BTBD8: variants seen among roughly 807,000 people sequenced by gnomAD.
BTBD8 encodes the protein BTB domain containing 8, also known as BTB/POZ domain-containing protein 8.
BTBD8 carries 110 observed loss-of-function variants against 162.9 expected under a neutral mutation model. The observed-to-expected ratio is 0.68, with a 90% CI of 0.58 to 0.79. The LOEUF (loss-of-function observed/expected upper bound fraction) is 0.79. BTBD8 is among the 30% of genes least tolerant of loss of function. BTBD8 has a pLI of 0.00. For missense variants in BTBD8, 1,905 were observed against 2,085.4 expected (o/e 0.91, Z 1.68); for synonymous variants, 667 against 716.1 (o/e 0.93, Z 1.10).
chr1:92,096,677 A>G (rs1261068125), intron 2 of BTBD8, among the ~76,000 whole-genome samples: 2 of 151,818 alleles, frequency 1.3e-5, no homozygotes, highest in African/African-American at 2.4e-5. Context: ...AGCTGGGACT[A>G]CAGGTGCATG....
At chr1:92,108,924 G>C (rs1044825239) in intron 4 of BTBD8, among the ~76,000 whole-genome samples, 1 of 152,188 alleles carries the variant, frequency 6.6e-6, no homozygotes, top group Non-Finnish European at 1.5e-5. Context: ...GAAATTAGCA[G>C]TGGGTTTAGG....
At chr1:92,088,591 C>T in intron 1 of BTBD8, 107 bp from the exon 2 acceptor site, 1 of 837,116 alleles carries the variant, frequency 1.2e-6, no homozygotes, top group East Asian at 2.9e-5. Context: ...CTTTATGTTG[C>T]CTCTGTATTT....
In BTBD8 at chr1:92,125,767, T is replaced by C. The variant is rs1291177433; in HGVS notation, c.663-3920T>C. ...CTTGATGATAATGAGAGAAGTGATA[T>C]ATTTGATGCCATATTTCCATGTCTC... On this transcript the variant is annotated intron_variant, in intron 4 of 17. Transcript: ENST00000636805. 1.2e-5 allele frequency: 5 copies of C among 430,074 alleles called. No homozygotes were observed. In the East Asian group the frequency reaches 2.3e-4, roughly 20 times the overall value. 26.6% of individuals were successfully genotyped at this position (430,074 alleles called of 1,614,324 possible).
chr1:92,159,496 A>G (rs1237098009), intron 9 of BTBD8, among the ~76,000 whole-genome samples: 3 of 151,982 alleles, frequency 2.0e-5, no homozygotes, highest in Admixed American at 2.0e-4. Flanking sequence ...TCCTTCACCA[A>G]TGAGTTTCAT....
At position 92,151,171 on chromosome 1, in the gene BTBD8, G is replaced by A. The variant is rs140014386; in HGVS notation, c.1122+3385G>A. Among the ~76,000 whole-genome samples, 266 of 152,062 alleles carry A rather than the reference G, an allele frequency of 1.7e-3. 2 individuals carry two copies. The highest frequency in any genetic ancestry group is 5.9e-3 in the African/African-American group (243 of 41,500). ...AGTTCGAGACCACCTTGGTCAACATGGTGAAACCCCGAATCTACTAAAAAT... is the reference window on the plus strand; with the variant it reads ...AGTTCGAGACCACCTTGGTCAACATAGTGAAACCCCGAATCTACTAAAAAT... On this transcript the variant is annotated intron_variant, in intron 9 of 17. Coordinates refer to ENST00000636805, the MANE Select transcript of BTBD8 (RefSeq NM_001376131.1).
chr1:92,115,077 A>T (rs552576199), intron 4 of BTBD8: 2 of 414,050 alleles, frequency 4.8e-6, no homozygotes, highest in East Asian at 6.4e-5. Context: ...GGTCAGGTTC[A>T]TGACTAACAT....
intron 4 of BTBD8, chr1:92,125,722 A>G: frequency 4.6e-6 from 2 of 436,774 alleles, no homozygotes; most frequent in Non-Finnish European, 9.0e-6. Flanking sequence ...GCCATTGAAA[A>G]GAATGTGCTG....
intron 9 of BTBD8, among the ~76,000 whole-genome samples, chr1:92,165,211 T>A (rs1379290458): frequency 6.6e-6 from 1 of 152,156 alleles, no homozygotes; most frequent in East Asian, 1.9e-4. Flanking sequence ...GATTGACTGA[T>A]AGACTCTGTC....
intron 17 of BTBD8, 107 bp from the exon 18 acceptor site, chr1:92,183,757 T>G (rs984093483): frequency 6.8e-6 from 3 of 439,000 alleles, no homozygotes; most frequent in Non-Finnish European, 1.1e-5. Context: ...CATTCTGTGT[T>G]TTTTTTTTTT....
chr1:92,092,774 C>T (rs1648347967), intron 2 of BTBD8, among the ~76,000 whole-genome samples: 1 of 152,076 alleles, frequency 6.6e-6, no homozygotes, highest in Non-Finnish European at 1.5e-5. Context: ...CCTTATGTAT[C>T]TTTTATATGT....
At chr1:92,159,778 T>C (rs1650242280) in intron 9 of BTBD8, among the ~76,000 whole-genome samples, 1 of 152,222 alleles carries the variant, frequency 6.6e-6, no homozygotes, top group Admixed American at 6.5e-5. Context: ...TTTAGTCTTA[T>C]AAACATTCTC....
At chr1:92,154,979 T>C (rs1650126618) in intron 9 of BTBD8, among the ~76,000 whole-genome samples, 1 of 152,206 alleles carries the variant, frequency 6.6e-6, no homozygotes, top group Non-Finnish European at 1.5e-5. Context: ...CTTTTGCTTA[T>C]GGATATCCAG....
chr1:92,175,415 G>T (rs1356295428), intron 13 of BTBD8, among the ~76,000 whole-genome samples: 1 of 132,768 alleles, frequency 7.5e-6, no homozygotes, highest in Admixed American at 8.5e-5. Context: ...GGAGGCGGAG[G>T]TTGCAGTGAG....
At chr1:92,151,353 A>C (rs971668356) in intron 9 of BTBD8, among the ~76,000 whole-genome samples, 4 of 13,050 alleles carry the variant, frequency 3.1e-4, no homozygotes, top group Non-Finnish European at 5.0e-4. Context: ...AAACTGTCTC[A>C]AAAAAAAAAA....
intron 9 of BTBD8, among the ~76,000 whole-genome samples, chr1:92,152,823 T>TA (rs889989378): frequency 6.6e-6 from 1 of 152,148 alleles, no homozygotes; most frequent in African/African-American, 2.4e-5. Context: ...TCAAGACAGA[T>TA]AAAAAGATAA....
chr1:92,083,514 T>C (rs182240599), intron 1 of BTBD8, among the ~76,000 whole-genome samples: 3 of 152,192 alleles, frequency 2.0e-5, no homozygotes, highest in Admixed American at 1.3e-4. Flanking sequence ...GGGCCACATA[T>C]AAGTAATAAA....
intron 4 of BTBD8, among the ~76,000 whole-genome samples, 158 bp downstream of exon 4, chr1:92,108,159 G>A (rs1257638511): frequency 6.6e-6 from 1 of 152,200 alleles, no homozygotes; most frequent in East Asian, 1.9e-4. Flanking sequence ...TCCTCAGGGG[G>A]AGTCCAACAG....
At chr1:92,096,551 CTT>C (rs1184914140) in intron 2 of BTBD8, among the ~76,000 whole-genome samples, 20 of 139,048 alleles carry the variant, frequency 1.4e-4, no homozygotes, top group Non-Finnish European at 1.3e-4. Flanking sequence ...CCTATATTTC[CTT>C]TTTTTTTTTT....
Position 92,080,697 on chromosome 1 carries a change from G to C in BTBD8, c.126G>C (p.Glu42Asp). ...ERRRLKATVS[E>D]QLSQDLLRLL... ...GCCGGCTGAAGGCGACGGTGTCGGA[G>C]CAGCTCAGCCAGGATTTGCTCAGGT... The change falls in exon 1 of 18, where the codon GAG (glutamate) becomes GAC (aspartate). Residue 42 changes from glutamate (E) to aspartate (D), a missense_variant. This residue lies in a region of BTBD8 where 1,374 missense variants were observed against 1,442.7 expected (regional missense o/e 0.95). Coordinates refer to ENST00000636805, the MANE Select transcript of BTBD8 (RefSeq NM_001376131.1). The C allele has an allele frequency of 6.2e-7, 1 of 1,612,210 alleles. No individual in the cohort carries two copies. Among genetic ancestry groups the C allele is most frequent in the Admixed American group, 1.7e-5 (1 of 59,702 alleles).
Sources: gnomAD v4.1 joint callset for allele counts (sites outside exome capture counted in the v4.1 genomes callset) on GRCh38, gnomAD v4.1.1 for gene constraint, gnomAD v4.1.1 regional missense constraint, MANE v1.5 for transcripts, NCBI Gene and HGNC (gene_info 2026-07-23, HGNC 2026-07-21) for gene names.